HPSE2: variants seen among roughly 807,000 people sequenced by gnomAD.
HPSE2 encodes inactive heparanase-2.
A neutral mutation model predicts 60.5 loss-of-function variants in HPSE2; 38 were observed. That is an observed-to-expected ratio of 0.63 (90% confidence interval 0.48 to 0.82). HPSE2 has a LOEUF of 0.82. HPSE2 is among the 40% of genes least tolerant of loss of function. The pLI is 0.00. For synonymous variants in HPSE2, 295 were observed against 293.2 expected, an observed-to-expected ratio of 1.01 and a Z score of -0.06; for missense variants, 713 against 740.4, an observed-to-expected ratio of 0.96 and a Z score of 0.43.
intron 3 of HPSE2, among the ~76,000 whole-genome samples, chr10:98,956,944 T>C (rs1281145442): frequency 1.3e-5 from 2 of 152,134 alleles, no homozygotes; most frequent in Non-Finnish European, 2.9e-5. Flanking sequence ...TCTGTATACC[T>C]TAGGAATCAC....
chr10:98,977,896 T>C (rs1392879502), intron 3 of HPSE2, among the ~76,000 whole-genome samples: 1 of 151,270 alleles, frequency 6.6e-6, no homozygotes, highest in Non-Finnish European at 1.5e-5. Flanking sequence ...ATAAATTATA[T>C]ACTAATTTTT....
At chr10:98,579,759 T>C (rs1438128766) in intron 9 of HPSE2, among the ~76,000 whole-genome samples, 1 of 152,208 alleles carries the variant, frequency 6.6e-6, no homozygotes, top group Non-Finnish European at 1.5e-5. Flanking sequence ...TCTCATTTAG[T>C]TCTCACCCTT....
intron 3 of HPSE2, among the ~76,000 whole-genome samples, chr10:98,919,515 C>A (rs540709574): frequency 1.4e-4 from 21 of 152,080 alleles, no homozygotes; most frequent in Non-Finnish European, 2.6e-4. Flanking sequence ...TAAAATAACC[C>A]AAGGAAGTGA....
intron 3 of HPSE2, among the ~76,000 whole-genome samples, chr10:98,775,722 G>GTATA (rs1950326371): frequency 6.6e-6 from 1 of 151,982 alleles, no homozygotes. Context: ...TACTAATATT[G>GTATA]TAGTCCGAAA....
intron 3 of HPSE2, among the ~76,000 whole-genome samples, chr10:98,958,857 A>G (rs929851237): frequency 6.6e-6 from 1 of 152,180 alleles, no homozygotes; most frequent in African/African-American, 2.4e-5. Context: ...CACCTGAAGC[A>G]TAATATCAAA....
At chr10:99,253,504 C>T in the HPSE2 span, among the ~76,000 whole-genome samples, 1 of 151,982 alleles carries the variant, frequency 6.6e-6, no homozygotes, top group Non-Finnish European at 1.5e-5. Context: ...TATAAGAATC[C>T]TAGAAGAAAA....
intron 3 of HPSE2, among the ~76,000 whole-genome samples, chr10:99,136,479 C>G (rs911399774): frequency 6.6e-6 from 1 of 152,058 alleles, no homozygotes; most frequent in Non-Finnish European, 1.5e-5. Flanking sequence ...AACATCGATG[C>G]GAAAATCCTC....
chr10:99,260,745 TGGCTGCTCACCCACATTGCAGCCCAG>T, the HPSE2 span, among the ~76,000 whole-genome samples: 5 of 152,188 alleles, frequency 3.3e-5, no homozygotes, highest in East Asian at 1.9e-4. Flanking sequence ...ACACCTGGTT[TGGCTGCTCACCCACATTGCAGCCCAG>T]GGCTGCTCAC....
chr10:99,143,274 G>C lies in HPSE2; in HGVS notation c.610+964C>G, dbSNP rs193160150. 1.4e-3 allele frequency among the ~76,000 whole-genome samples: 220 copies of C among 152,192 alleles called. 2 individuals are homozygous for C. Among genetic ancestry groups the C allele is most frequent in the Non-Finnish European group, 2.7e-3 (186 of 68,004 alleles). On this transcript the variant is annotated intron_variant, in intron 3 of 11. Transcript: ENST00000370552. ...AGGTACAAGATGAAAAGCTGGAAGA[G>C]TCCTGTGCTTTTCTAAAAGCAAAAC...
At chr10:99,213,322 T>C (rs891547860) in intron 2 of HPSE2, among the ~76,000 whole-genome samples, 3 of 152,112 alleles carry the variant, frequency 2.0e-5, no homozygotes, top group African/African-American at 7.2e-5. Context: ...CCTAAAGAGT[T>C]CAACATTGAT....
chr10:98,552,609 T>C (rs1267838706), intron 9 of HPSE2, among the ~76,000 whole-genome samples: 1 of 152,190 alleles, frequency 6.6e-6, no homozygotes, highest in Non-Finnish European at 1.5e-5. Flanking sequence ...TTTCAACCTA[T>C]CAAAATTCTT....
intron 10 of HPSE2, among the ~76,000 whole-genome samples, chr10:98,483,731 T>C (rs1296863932): frequency 6.6e-6 from 1 of 152,212 alleles, no homozygotes; most frequent in Non-Finnish European, 1.5e-5. Context: ...GCCAGAAGAC[T>C]GACAATGTTC....
At position 98,459,519 on chromosome 10, in the gene HPSE2, G is replaced by C. The variant is rs1199865599; in HGVS notation, c.*55C>G. On this transcript the variant is annotated 3_prime_UTR_variant, in exon 12 of 12. Coordinates refer to ENST00000370552, the MANE Select transcript of HPSE2 (RefSeq NM_021828.5). ...TGAAAACAGAGGATACTACTGGAGT[G>C]GAGGAGTGGAAGCAGCCCAGCAGGC... 1 of 1,565,714 alleles carries C rather than the reference G, an allele frequency of 6.4e-7. No homozygotes were observed. The highest frequency in any genetic ancestry group is 1.4e-5 in the African/African-American group (1 of 73,898).
intron 3 of HPSE2, among the ~76,000 whole-genome samples, chr10:99,129,713 A>T (rs1845304575): frequency 6.6e-6 from 1 of 151,668 alleles, no homozygotes; most frequent in Non-Finnish European, 1.5e-5. Flanking sequence ...ATCTAAGATC[A>T]TACTTCAAGG....
At chr10:99,125,192 C>T (rs1037910434) in intron 3 of HPSE2, among the ~76,000 whole-genome samples, 1 of 152,184 alleles carries the variant, frequency 6.6e-6, no homozygotes, top group African/African-American at 2.4e-5. Context: ...GAAAGCTTTA[C>T]GCTCCCAAAC....
At chr10:98,579,975 T>C (rs1944747369) in intron 9 of HPSE2, among the ~76,000 whole-genome samples, 1 of 152,222 alleles carries the variant, frequency 6.6e-6, no homozygotes, top group African/African-American at 2.4e-5. Flanking sequence ...GCTACCCAGC[T>C]GGTGATTTGT....
intron 3 of HPSE2, among the ~76,000 whole-genome samples, chr10:98,989,507 G>C (rs1202505636): frequency 7.1e-6 from 1 of 141,710 alleles, no homozygotes; most frequent in African/African-American, 2.6e-5. Context: ...GGGGTGGGGG[G>C]AGGGGGGAGG....
chr10:98,763,507 A>T (rs748209364), intron 3 of HPSE2, among the ~76,000 whole-genome samples: 5 of 102,202 alleles, frequency 4.9e-5, no homozygotes, highest in South Asian at 4.0e-4. Flanking sequence ...GATTTAAATG[A>T]TCATGTACTT....
intron 3 of HPSE2, among the ~76,000 whole-genome samples, chr10:98,886,468 C>G (rs1230577784): frequency 6.6e-6 from 1 of 151,922 alleles, no homozygotes; most frequent in Non-Finnish European, 1.5e-5. Flanking sequence ...AAATGTCTAG[C>G]CAGGAATTAA....
Sources: allele counts gnomAD v4.1 joint callset (sites outside exome capture counted in the v4.1 genomes callset), GRCh38; gene constraint gnomAD v4.1.1; transcripts MANE v1.5; gene names NCBI Gene and HGNC (gene_info 2026-07-23, HGNC 2026-07-21).